IMPACT: variants seen among roughly 807,000 people sequenced by gnomAD.
IMPACT encodes the protein impact RWD domain protein.
In IMPACT, 35 loss-of-function variants were observed where a neutral mutation model predicts 47.5. The ratio of observed to expected loss-of-function variants is 0.74; its 90% CI spans 0.56 to 0.98. The LOEUF (loss-of-function observed/expected upper bound fraction) is 0.98, where lower values mean the gene tolerates loss of function less well. Among genes scored for constraint, IMPACT ranks in the 50% least tolerant of loss-of-function variants. The pLI, the probability that IMPACT is intolerant of heterozygous loss-of-function variation, is 0.00. For missense variants in IMPACT, 373 were observed against 394.8 expected, an observed-to-expected ratio of 0.94 and a Z score of 0.47; for synonymous variants, 118 against 125.6, an observed-to-expected ratio of 0.94 and a Z score of 0.40.
intron 2 of IMPACT, among the ~76,000 whole-genome samples, chr18:24,428,378 G>T (rs550759901): frequency 1.7e-4 from 26 of 152,292 alleles, no homozygotes; most frequent in Admixed American, 2.6e-4. Context: ...GGAAAGAGAG[G>T]TTAGTAATGT....
intron 9 of IMPACT, 143 bp from the exon 10 acceptor site, chr18:24,449,676 A>T: frequency 1.6e-6 from 1 of 643,042 alleles, no homozygotes; most frequent in Non-Finnish European, 2.7e-6. Flanking sequence ...CTCAGTGCCT[A>T]CTCACTCATA....
chr18:24,449,824 G>C lies in IMPACT; in HGVS notation c.765G>C (p.Leu255Phe), dbSNP rs763541625. The change falls in exon 10 of 11, where the codon TTG (leucine) becomes TTC (phenylalanine). Residue 255 changes from leucine to phenylalanine, a missense_variant. Leu to Phe is a conservative substitution (Grantham distance 22). Transcript: ENST00000284202. ...ATGCTTCCAAAAAATAACAGATTTT[G>C]AATGTGAAGAATGTCATGGTGGTAG... ...GGRLLHLMEILNVKNVMVVVS... is the reference protein window; with the variant it reads ...GGRLLHLMEIFNVKNVMVVVS... 4 of 1,611,806 alleles carry C rather than the reference G, an allele frequency of 2.5e-6. No individual in the cohort carries two copies. The East Asian group carries it at 8.9e-5, about 36-fold the overall frequency.
intron 6 of IMPACT, among the ~76,000 whole-genome samples, chr18:24,441,822 A>G (rs75104254): frequency 0.019 from 2,922 of 152,296 alleles, 102 homozygotes; most frequent in African/African-American, 0.067. Flanking sequence ...TCCCATTTTA[A>G]TCATTTATTT....
chr18:24,448,818 T>G (rs1034359489), intron 9 of IMPACT, among the ~76,000 whole-genome samples: 1 of 152,206 alleles, frequency 6.6e-6, no homozygotes, highest in Admixed American at 6.5e-5. Context: ...TGGTCCATTT[T>G]TGTTTGTTTA....
intron 7 of IMPACT, 27 bp downstream of exon 7, chr18:24,443,179 T>C (rs368379795): frequency 2.3e-5 from 24 of 1,053,868 alleles, no homozygotes; most frequent in Middle Eastern, 2.1e-4. Flanking sequence ...TAGCTCACTT[T>C]GATGATTACT....
At chr18:24,444,637 C>CT (rs1219542892) in intron 7 of IMPACT, among the ~76,000 whole-genome samples, 4 of 152,334 alleles carry the variant, frequency 2.6e-5, no homozygotes, top group African/African-American at 4.8e-5. Context: ...CATTCATACT[C>CT]TAAGTTAAGC....
chr18:24,444,758 G>A (rs769061993), intron 7 of IMPACT, among the ~76,000 whole-genome samples: 11 of 152,190 alleles, frequency 7.2e-5, no homozygotes, highest in Non-Finnish European at 5.9e-5. Flanking sequence ...TGCATGGGAT[G>A]TACTTATAGT....
intron 1 of IMPACT, chr18:24,427,301 C>G (rs1374014902): frequency 6.4e-6 from 1 of 155,296 alleles, no homozygotes; most frequent in African/African-American, 2.4e-5. Flanking sequence ...TGAAATGCTA[C>G]GAAGTCGAAT....
intron 6 of IMPACT, 70 bp from the exon 7 acceptor site, chr18:24,442,979 C>T: frequency 5.5e-6 from 4 of 720,958 alleles, no homozygotes; most frequent in Non-Finnish European, 9.5e-6. Context: ...CCAGCTGCCC[C>T]CCCATTTCAT....
intron 5 of IMPACT, chr18:24,439,660 GAATT>G (rs995504098): frequency 1.7e-5 from 2 of 119,732 alleles, no homozygotes; most frequent in Non-Finnish European, 3.5e-5. Flanking sequence ...AAAAAAAAAA[GAATT>G]AGCCAGGCGT....
At chr18:24,443,927 T>A (rs150467507) in intron 7 of IMPACT, among the ~76,000 whole-genome samples, 4 of 152,332 alleles carry the variant, frequency 2.6e-5, no homozygotes, top group Non-Finnish European at 5.9e-5. Flanking sequence ...GTTACATTTT[T>A]AAAAATGTCT....
At chr18:24,436,390 C>T (rs1378001523) in intron 4 of IMPACT, among the ~76,000 whole-genome samples, 1 of 151,870 alleles carries the variant, frequency 6.6e-6, no homozygotes, top group Non-Finnish European at 1.5e-5. Context: ...AGATTACAGG[C>T]ACACACCACT....
At chr18:24,433,060 A>G (rs1175365948) in intron 4 of IMPACT, among the ~76,000 whole-genome samples, 1 of 152,082 alleles carries the variant, frequency 6.6e-6, no homozygotes, top group East Asian at 1.9e-4. Flanking sequence ...AGAGATTACA[A>G]TATAGTTTGT....
chr18:24,443,165 T>G lies in IMPACT; in HGVS notation c.594+13T>G. 2 of 1,323,616 alleles carry G rather than the reference T, an allele frequency of 1.5e-6. No homozygotes were observed. The highest frequency in any genetic ancestry group is 2.1e-6 in the Non-Finnish European group (2 of 937,666). The allele number at this position is 1,323,616 out of a possible 1,614,324, so 82.0% of individuals were successfully genotyped here. On this transcript the variant is annotated intron_variant, in intron 7 of 10. Transcript: ENST00000284202. ...TTGTCCCAAACAGGTAAAGTTCCTT[T>G]GTCTAGCTCACTTTGATGATTACTA... is the stretch of plus-strand genomic sequence containing the variant.
At chr18:24,434,977 CT>C (rs532151527) in intron 4 of IMPACT, among the ~76,000 whole-genome samples, 41 of 139,614 alleles carry the variant, frequency 2.9e-4, no homozygotes, top group Non-Finnish European at 3.4e-4. Flanking sequence ...GTTGTACCTA[CT>C]TTTTTTTTTT....
At position 24,452,960 on chromosome 18, in the gene IMPACT, A is replaced by G. The variant is rs1909423947; in HGVS notation, c.*2113A>G. On this transcript the variant is annotated 3_prime_UTR_variant, in exon 11 of 11. Transcript: ENST00000284202. ...GGCTAATTTTTAAAGTTTTTTTTGT[A>G]AAGATAGGGTCTTTCTATGTTGCCC... The G allele has an allele frequency of 6.6e-6, 1 of 152,002 alleles. No individual in the cohort carries two copies. The highest frequency in any genetic ancestry group is 1.5e-5 in the Non-Finnish European group (1 of 68,012). 9.4% of individuals were successfully genotyped at this position (152,002 alleles called of 1,614,324 possible). A position where few individuals can be genotyped will look rare whatever the true frequency, so the allele number is the denominator to read the frequency against.
chr18:24,440,597 G>A lies in IMPACT; in HGVS notation c.469G>A (p.Asp157Asn). 1 of 1,612,934 alleles carries A rather than the reference G, an allele frequency of 6.2e-7. No homozygotes were observed. Among genetic ancestry groups the A allele is most frequent in the Non-Finnish European group, 8.5e-7 (1 of 1,179,474 alleles). Reference sequence around the variant, plus strand: ...AAGTTCGCTTAAAGCATTGGATTTTGATATCAGTGAAACTCGGACAGGTAT... The same window carrying A: ...AAGTTCGCTTAAAGCATTGGATTTTAATATCAGTGAAACTCGGACAGGTAT... Reference protein sequence around the residue: ...PESSLKALDFDISETRTEVEV... With the variant: ...PESSLKALDFNISETRTEVEV... Residue 157 changes from aspartate to asparagine, a missense_variant, in exon 6 of 11, where the codon GAT (aspartate) becomes AAT (asparagine). Physicochemically the swap from Asp to Asn is conservative, Grantham distance 23. Coordinates refer to ENST00000284202, the MANE Select transcript of IMPACT (RefSeq NM_018439.4).
rs1372495141 is a variant in IMPACT at position 24,430,332 on chromosome 18, C to A, written c.229C>A (p.Leu77Ile). The change falls in exon 4 of 11, where the codon CTT becomes ATT. Residue 77 changes from leucine to isoleucine, a missense_variant. Coordinates refer to ENST00000284202, the MANE Select transcript of IMPACT (RefSeq NM_018439.4). Reference sequence around the variant, plus strand: ...TTTATTTAATCTTAGTGCTCCTTGGCTTAAAGGGCAAGAACGTGCGGATTT... The same window carrying A: ...TTTATTTAATCTTAGTGCTCCTTGGATTAAAGGGCAAGAACGTGCGGATTT... ...PPIYQLNAPW[L>I]KGQERADLSN... is the part of the protein sequence containing the mutation. 1 of 1,596,088 alleles carries A rather than the reference C, an allele frequency of 6.3e-7. No individual in the cohort carries two copies. The highest frequency in any genetic ancestry group is 1.1e-5 in the South Asian group (1 of 87,374).
At position 24,430,328 on chromosome 18, in the gene IMPACT, T is replaced by C. The variant is rs773170272; in HGVS notation, c.225T>C (p.Pro75=). The change falls in exon 4 of 11, where the codon CCT becomes CCC. Residue 75 remains proline, a synonymous_variant. Transcript: ENST00000284202. ...TAPPIYQLNA[P]WLKGQERADL... ...TTGTTTTATTTAATCTTAGTGCTCC[T>C]TGGCTTAAAGGGCAAGAACGTGCGG... 6.3e-7 allele frequency: 1 copy of C among 1,594,166 alleles called. No individual in the cohort carries two copies. The highest frequency in any genetic ancestry group is 8.5e-7 in the Non-Finnish European group (1 of 1,172,080).
Sources: allele counts gnomAD v4.1 joint callset (sites outside exome capture counted in the v4.1 genomes callset), GRCh38; gene constraint gnomAD v4.1.1; transcripts MANE v1.5; gene names NCBI Gene and HGNC (gene_info 2026-07-23, HGNC 2026-07-21).